Variants in VPS54 observed in about 807,000 individuals in gnomAD.
The protein encoded by VPS54 is vacuolar protein sorting-associated protein 54.
A neutral mutation model predicts 121.5 loss-of-function variants in VPS54; 45 were observed. The observed-to-expected ratio is 0.37, with a 90% confidence interval of 0.29 to 0.47. VPS54 has a LOEUF of 0.47. VPS54 is among the 20% of genes least tolerant of loss of function. The pLI is 0.99. For missense variants in VPS54, 1,090 were observed against 1,131.4 expected, an observed-to-expected ratio of 0.96 and a Z score of 0.52; for synonymous variants, 371 against 385.8, an observed-to-expected ratio of 0.96 and a Z score of 0.45.
chr2:63,896,896 T>C (rs573668056), intron 22 of VPS54, among the ~76,000 whole-genome samples: 1 of 152,286 alleles, frequency 6.6e-6, no homozygotes, highest in East Asian at 1.9e-4. Context: ...TTTTCAAATC[T>C]AAAAAACCTA....
intron 1 of VPS54, among the ~76,000 whole-genome samples, chr2:64,009,757 T>G (rs1483813227): frequency 2.6e-5 from 4 of 152,094 alleles, no homozygotes; most frequent in African/African-American, 7.2e-5. Context: ...GAGGCTGCAG[T>G]GAGCTGTGAT....
At chr2:63,896,660 C>T (rs925473932) in intron 22 of VPS54, among the ~76,000 whole-genome samples, 1 of 152,140 alleles carries the variant, frequency 6.6e-6, no homozygotes, top group Non-Finnish European at 1.5e-5. Context: ...CCCCAACATA[C>T]ATTTTTTTCA....
chr2:63,920,661 G>T (rs1481013603), intron 13 of VPS54, 34 bp from the exon 14 acceptor site: 4 of 1,308,160 alleles, frequency 3.1e-6, no homozygotes, highest in Non-Finnish European at 4.0e-6. Flanking sequence ...GAGAGTTAGT[G>T]TAACACCAAA....
intron 10 of VPS54, 36 bp downstream of exon 10, chr2:63,944,564 T>A (rs748575097): frequency 3.2e-6 from 5 of 1,549,930 alleles, no homozygotes. Context: ...ATCTTTTCTC[T>A]GACTGATAAC....
chr2:63,899,448 G>T, intron 21 of VPS54, 26 bp downstream of exon 21: 2 of 1,592,538 alleles, frequency 1.3e-6, no homozygotes, highest in Non-Finnish European at 8.6e-7. Context: ...ATATATACAT[G>T]AATAGTTTTA....
chr2:63,986,285 C>A (rs1257030236), intron 1 of VPS54, among the ~76,000 whole-genome samples: 1 of 152,152 alleles, frequency 6.6e-6, no homozygotes, highest in Non-Finnish European at 1.5e-5. Flanking sequence ...TTCCCCCACA[C>A]TTATCCTTCC....
chr2:63,944,489 G>A (rs1674886141), intron 10 of VPS54, 111 bp downstream of exon 10: 2 of 1,028,068 alleles, frequency 1.9e-6, no homozygotes, highest in Non-Finnish European at 2.9e-6. Context: ...CCTACACCCT[G>A]CTCACACCTT....
chr2:63,903,116 CA>C (rs1429881360), intron 20 of VPS54, among the ~76,000 whole-genome samples: 1 of 151,982 alleles, frequency 6.6e-6, no homozygotes, highest in Non-Finnish European at 1.5e-5. Flanking sequence ...ACAACAGGTC[CA>C]AGAAGTGCAG....
chr2:63,915,037 G>A (rs1673315187), intron 16 of VPS54, among the ~76,000 whole-genome samples: 1 of 151,002 alleles, frequency 6.6e-6, no homozygotes, highest in Non-Finnish European at 1.5e-5. Context: ...TGTAATCCCA[G>A]CTACTGGGGA....
Position 63,981,766 on chromosome 2 carries a change from T to C in VPS54, c.258A>G (p.Glu86=), listed in dbSNP as rs1476091187. 2 of 1,613,828 alleles carry C rather than the reference T, an allele frequency of 1.2e-6. No individual in the cohort carries two copies. ...ALNDPRLAKR[E]SDFFTKTWGL... is the part of the protein sequence containing the mutation. ...CCCATGTTTTTGTGAAGAAGTCAGATTCTCTTTTTGCTAATCTAGGATCGT... is the reference window on the plus strand; with the variant it reads ...CCCATGTTTTTGTGAAGAAGTCAGACTCTCTTTTTGCTAATCTAGGATCGT... The change falls in exon 3 of 23, where the codon GAA becomes GAG. Residue 86 remains glutamate, a synonymous_variant. Coordinates refer to ENST00000272322, the MANE Select transcript of VPS54 (RefSeq NM_016516.3).
At chr2:64,018,890 G>C (rs1164356009) in intron 1 of VPS54, 48 bp downstream of exon 1, 1 of 151,356 alleles carries the variant, frequency 6.6e-6, no homozygotes, top group Admixed American at 6.6e-5. Flanking sequence ...GCTGTAGGTC[G>C]GGGTGAGAGT....
At position 63,920,573 on chromosome 2, in the gene VPS54, T is replaced by C; in HGVS notation, c.1924A>G (p.Met642Val). Residue 642 changes from methionine (M) to valine (V), a missense_variant, in exon 14 of 23, where the codon ATG (methionine) becomes GTG (valine). This residue lies in a region of VPS54 where 801 missense variants were observed against 757.0 expected (regional missense o/e 1.06). Transcript: ENST00000272322. Reference sequence around the variant, plus strand: ...TCGGTGTCTAAAATGAATGTTTCCATTAATCTAGAAAGTGTTATGAATTCC... The same window carrying C: ...TCGGTGTCTAAAATGAATGTTTCCACTAATCTAGAAAGTGTTATGAATTCC... The part of the protein sequence containing the change: ...SMEFITLSRL[M>V]ETFILDTEQI... The C allele has an allele frequency of 1.3e-6, 2 of 1,574,216 alleles. No individual in the cohort carries two copies. Among genetic ancestry groups the C allele is most frequent in the Non-Finnish European group, 8.6e-7 (1 of 1,161,414 alleles).
chr2:63,895,233 A>C (rs1672398119), intron 22 of VPS54, among the ~76,000 whole-genome samples: 1 of 152,192 alleles, frequency 6.6e-6, no homozygotes, highest in South Asian at 2.1e-4. Flanking sequence ...AGGCAGGCAG[A>C]TCACCTGAGG....
intron 11 of VPS54, among the ~76,000 whole-genome samples, chr2:63,940,227 AT>A (rs1324799163): frequency 3.9e-5 from 6 of 152,248 alleles, no homozygotes; most frequent in Non-Finnish European, 7.4e-5. Context: ...TTATTTTTAA[AT>A]TCTTCAATAA....
At chr2:64,013,082 A>G (rs891052917) in intron 1 of VPS54, among the ~76,000 whole-genome samples, 1 of 152,244 alleles carries the variant, frequency 6.6e-6, no homozygotes, top group African/African-American at 2.4e-5. Context: ...GGAATAGGAT[A>G]TTTACATGGC....
At chr2:64,003,037 G>A (rs1307849547) in intron 1 of VPS54, among the ~76,000 whole-genome samples, 1 of 152,106 alleles carries the variant, frequency 6.6e-6, no homozygotes, top group Non-Finnish European at 1.5e-5. Flanking sequence ...AAATGTACAT[G>A]GCATCTGAAT....
chr2:63,948,466 G>T (rs1184181359), intron 8 of VPS54, among the ~76,000 whole-genome samples: 3 of 140,428 alleles, frequency 2.1e-5, no homozygotes, highest in Non-Finnish European at 4.5e-5. Flanking sequence ...CACAATCATG[G>T]CTCACTAACA....
At chr2:63,893,666 C>G (rs910191645) in intron 22 of VPS54, 131 bp from the exon 23 acceptor site, 2 of 716,384 alleles carry the variant, frequency 2.8e-6, no homozygotes, top group Non-Finnish European at 4.5e-6. Context: ...TGTCCAAATA[C>G]TTTACTTAGC....
chr2:63,956,619 T>C (rs141587325), intron 7 of VPS54, among the ~76,000 whole-genome samples: 3 of 152,180 alleles, frequency 2.0e-5, no homozygotes, highest in Non-Finnish European at 2.9e-5. Context: ...GAGACCCAAG[T>C]TGAATCTCTA....
Sources: gnomAD v4.1 joint callset for allele counts (sites outside exome capture counted in the v4.1 genomes callset) on GRCh38, gnomAD v4.1.1 for gene constraint, gnomAD v4.1.1 regional missense constraint, MANE v1.5 for transcripts, NCBI Gene and HGNC (gene_info 2026-07-23, HGNC 2026-07-21) for gene names.